The following ZNF407 variants were observed in gnomAD, a reference collection of about 807,000 sequenced individuals.
ZNF407 encodes zinc finger protein 407.
A neutral mutation model predicts 131.2 loss-of-function variants in ZNF407; 17 were observed. The observed-to-expected ratio is 0.13, with a 90% CI of 0.09 to 0.19. The LOEUF is 0.19. Ranked by LOEUF, ZNF407 falls within the 10% of genes least tolerant of loss-of-function variation. ZNF407 has a pLI of 1.00. For synonymous variants in ZNF407, 1,156 were observed against 1,062.0 expected, an observed-to-expected ratio of 1.09 and a Z score of -1.72; for missense variants, 2,681 against 2,830.6, an observed-to-expected ratio of 0.95 and a Z score of 1.20.
At chr18:74,783,897 A>G (rs1969656185) in intron 4 of ZNF407, among the ~76,000 whole-genome samples, 1 of 152,054 alleles carries the variant, frequency 6.6e-6, no homozygotes, top group Admixed American at 6.5e-5. Context: ...CTTATATGGC[A>G]CTCTCTCCTG....
chr18:74,952,081 C>A (rs922279027), intron 8 of ZNF407, among the ~76,000 whole-genome samples: 1 of 152,134 alleles, frequency 6.6e-6, no homozygotes, highest in Non-Finnish European at 1.5e-5. Flanking sequence ...AAAAGTAAGA[C>A]CCCTGCCCCT....
intron 3 of ZNF407, among the ~76,000 whole-genome samples, chr18:74,777,174 T>C (rs931888877): frequency 6.6e-6 from 1 of 152,168 alleles, no homozygotes. Context: ...CTTTATTATA[T>C]GGTATGTAGT....
In ZNF407 at chr18:74,849,066, T is replaced by TTC. The variant is rs1970743323; in HGVS notation, c.4878-28131_4878-28130insTC. Among the ~76,000 whole-genome samples, 4 of 144,200 alleles carry TTC rather than the reference T, an allele frequency of 2.8e-5. 1 individual carries two copies. The highest frequency in any genetic ancestry group is 1.0e-4 in the African/African-American group (4 of 39,306). The allele number at this position is 144,200 out of a possible 152,430, so 94.6% of individuals were successfully genotyped here. On this transcript the variant is annotated intron_variant, in intron 4 of 8. Coordinates refer to ENST00000299687, the MANE Select transcript of ZNF407 (RefSeq NM_017757.3). ...TACTTTTGTTTCTTTTTTTTTTTTT[T>TTC]ATTTTTTATTTTTTGTTGCTGTTGT...
chr18:75,036,310 G>T (rs1245416881), intron 8 of ZNF407, among the ~76,000 whole-genome samples: 3 of 151,388 alleles, frequency 2.0e-5, no homozygotes, highest in African/African-American at 7.3e-5. Flanking sequence ...ATGTTCACAG[G>T]GAAAAAAAAA....
rs757469281 is a variant in ZNF407, at chr18:74,881,080, A to G, written c.5089A>G (p.Thr1697Ala). The G allele has an allele frequency of 5.8e-6, 9 of 1,559,344 alleles. No homozygotes were observed. ...LCDLCGFAGG[T>A]RHALTKHRRQ... ...TGACCTCTGCGGCTTTGCCGGCGGG[A>G]CCCGCCACGCCCTCACCAAGCATCG... Residue 1697 changes from threonine to alanine, a missense_variant, in exon 6 of 9, where the codon ACC (threonine) becomes GCC (alanine). Physicochemically the swap from Thr to Ala is moderately conservative, Grantham distance 58. Around this residue, in one of 6 missense-constraint regions of ZNF407, gnomAD observed 213 missense variants for 332.2 expected, o/e 0.64. Transcript: ENST00000299687.
chr18:75,058,613 G>T (rs754383914), intron 8 of ZNF407, among the ~76,000 whole-genome samples: 3 of 152,190 alleles, frequency 2.0e-5, no homozygotes, highest in African/African-American at 4.8e-5. Flanking sequence ...TTAAGGCTTT[G>T]TGCGATTTTG....
intron 8 of ZNF407, among the ~76,000 whole-genome samples, chr18:75,011,907 T>C (rs1453740688): frequency 2.6e-5 from 4 of 152,172 alleles, no homozygotes; most frequent in African/African-American, 9.6e-5. Context: ...AGCAAGTGTT[T>C]AGGAAGATTT....
intron 8 of ZNF407, among the ~76,000 whole-genome samples, chr18:75,052,549 G>A (rs949715762): frequency 2.6e-5 from 4 of 152,166 alleles, no homozygotes; most frequent in African/African-American, 9.7e-5. Flanking sequence ...AGAAGAAGTG[G>A]CCCTTAGACA....
intron 8 of ZNF407, among the ~76,000 whole-genome samples, chr18:75,046,795 C>T (rs1973441080): frequency 6.6e-6 from 1 of 151,750 alleles, no homozygotes; most frequent in Non-Finnish European, 1.5e-5. Context: ...TCACTCCCTC[C>T]TTGCATGTGT....
chr18:74,617,065 C>A (rs1983335443), intron 1 of ZNF407, among the ~76,000 whole-genome samples: 1 of 114,408 alleles, frequency 8.7e-6, no homozygotes, highest in African/African-American at 3.6e-5. Flanking sequence ...CCACACACAT[C>A]CATATCCACA....
intron 3 of ZNF407, among the ~76,000 whole-genome samples, chr18:74,682,116 G>A (rs964702608): frequency 6.6e-6 from 1 of 152,136 alleles, no homozygotes; most frequent in Admixed American, 6.5e-5. Context: ...TTATGTCTGG[G>A]ATGGCAACAT....
Position 75,029,630 on chromosome 18 carries a change from G to C in ZNF407, c.5429-33520G>C, listed in dbSNP as rs111484192. Among the ~76,000 whole-genome samples the C allele has an allele frequency of 2.6e-3, 391 of 152,030 alleles. 2 individuals carry two copies. The highest frequency in any genetic ancestry group is 8.8e-3 in the African/African-American group (364 of 41,468). On this transcript the variant is annotated intron_variant, in intron 8 of 8. Coordinates refer to ENST00000299687, the MANE Select transcript of ZNF407 (RefSeq NM_017757.3). ...GGGTGTGTGTGCCTGGGTGTGCGTG[G>C]GTGTGCGTGCGTGTGCATGCGCAGG...
chr18:74,728,630 T>G (rs1968216413), intron 3 of ZNF407, among the ~76,000 whole-genome samples: 1 of 152,196 alleles, frequency 6.6e-6, no homozygotes, highest in African/African-American at 2.4e-5. Context: ...GGGAGAGATG[T>G]ACAGGAAGCA....
At chr18:74,940,392 G>C (rs1328832282) in intron 8 of ZNF407, among the ~76,000 whole-genome samples, 2 of 152,166 alleles carry the variant, frequency 1.3e-5, no homozygotes, top group African/African-American at 4.8e-5. Flanking sequence ...GGGCACTGGG[G>C]TGGGGCTGGC....
chr18:74,719,463 G>A (rs1967975213), intron 3 of ZNF407, among the ~76,000 whole-genome samples: 1 of 152,134 alleles, frequency 6.6e-6, no homozygotes, highest in Non-Finnish European at 1.5e-5. Context: ...GCAGTGGCGC[G>A]ATCTCAGCTC....
chr18:75,040,336 C>T (rs1051939684), intron 8 of ZNF407, among the ~76,000 whole-genome samples: 10 of 151,996 alleles, frequency 6.6e-5, no homozygotes, highest in Non-Finnish European at 8.8e-5. Flanking sequence ...AGTCATATAA[C>T]GAGAACTTTA....
intron 4 of ZNF407, among the ~76,000 whole-genome samples, chr18:74,784,216 C>T (rs1969662257): frequency 6.6e-6 from 1 of 152,154 alleles, no homozygotes; most frequent in African/African-American, 2.4e-5. Flanking sequence ...TTAATTTCTC[C>T]AGGACAGTAT....
intron 3 of ZNF407, among the ~76,000 whole-genome samples, chr18:74,678,355 T>A (rs1966901204): frequency 6.6e-6 from 1 of 152,196 alleles, no homozygotes. Flanking sequence ...TACATCTCTT[T>A]GGGTTTCAAC....
intron 6 of ZNF407, among the ~76,000 whole-genome samples, chr18:74,882,236 A>G (rs991405565): frequency 5.3e-5 from 8 of 152,250 alleles, no homozygotes; most frequent in African/African-American, 1.9e-4. Context: ...TTTTCATAAT[A>G]CTAATTTATG....
Sources: gnomAD v4.1 joint callset for allele counts (sites outside exome capture counted in the v4.1 genomes callset) on GRCh38, gnomAD v4.1.1 for gene constraint, gnomAD v4.1.1 regional missense constraint, MANE v1.5 for transcripts, NCBI Gene and HGNC (gene_info 2026-07-23, HGNC 2026-07-21) for gene names.